ERP44: variants seen among roughly 807,000 people sequenced by gnomAD.
The protein encoded by ERP44 is endoplasmic reticulum resident protein 44.
A neutral mutation model predicts 53.4 loss-of-function variants in ERP44; 25 were observed. The ratio of observed to expected loss-of-function variants is 0.47; its 90% CI spans 0.34 to 0.65. The LOEUF is 0.65. Ranked by LOEUF, ERP44 falls within the 30% of genes least tolerant of loss-of-function variation. The pLI, the probability that ERP44 is intolerant of heterozygous loss-of-function variation, is 0.01. For synonymous variants in ERP44, 145 were observed against 161.2 expected, an observed-to-expected ratio of 0.90 and a Z score of 0.76; for missense variants, 338 against 493.2, an observed-to-expected ratio of 0.69 and a Z score of 2.98.
intron 1 of ERP44, among the ~76,000 whole-genome samples, chr9:100,082,676 G>A (rs140324814): frequency 1.2e-3 from 184 of 151,606 alleles, no homozygotes; most frequent in East Asian, 9.1e-3. Flanking sequence ...CTCAGGCTTC[G>A]CATTCTATGA....
intron 1 of ERP44, among the ~76,000 whole-genome samples, chr9:100,087,189 A>G (rs1249270046): frequency 6.6e-6 from 1 of 151,960 alleles, no homozygotes; most frequent in Non-Finnish European, 1.5e-5. Context: ...CTCCCTCCAT[A>G]AGCTTTTTTC....
chr9:100,098,363 G>C (rs1010861341), intron 1 of ERP44, among the ~76,000 whole-genome samples: 1 of 152,150 alleles, frequency 6.6e-6, no homozygotes, highest in Non-Finnish European at 1.5e-5. Context: ...CAGGGATCTA[G>C]ACCCAGTGAG....
chr9:100,074,700 T>G (rs147899536), intron 1 of ERP44, among the ~76,000 whole-genome samples: 1 of 152,138 alleles, frequency 6.6e-6, no homozygotes, highest in Non-Finnish European at 1.5e-5. Flanking sequence ...TAACTGTGCA[T>G]TGGAGAAAGG....
intron 10 of ERP44, among the ~76,000 whole-genome samples, chr9:99,993,905 T>C (rs1418482460): frequency 6.6e-6 from 1 of 152,070 alleles, no homozygotes; most frequent in Non-Finnish European, 1.5e-5. Flanking sequence ...CATGAAAAAA[T>C]GCTCATCATC....
At chr9:100,040,660 A>G (rs1274720104) in intron 4 of ERP44, among the ~76,000 whole-genome samples, 1 of 152,200 alleles carries the variant, frequency 6.6e-6, no homozygotes, top group Non-Finnish European at 1.5e-5. Context: ...TCGTAGCTAG[A>G]GCAGTCAGAT....
chr9:100,041,303 TA>T (rs76504492), intron 4 of ERP44, among the ~76,000 whole-genome samples: 103,635 of 150,472 alleles, frequency 0.69, 36,633 homozygotes, highest in East Asian at 0.9. Context: ...TTTTTTGCCA[TA>T]AAAAAAAAAG....
chr9:100,038,561 G>C (rs1401376628), intron 4 of ERP44, among the ~76,000 whole-genome samples: 1 of 151,988 alleles, frequency 6.6e-6, no homozygotes, highest in Admixed American at 6.6e-5. Flanking sequence ...CTAAAAGGAA[G>C]ACAGCAAGGA....
intron 4 of ERP44, among the ~76,000 whole-genome samples, chr9:100,034,613 A>G (rs1587969777): frequency 6.6e-6 from 1 of 152,182 alleles, no homozygotes; most frequent in Non-Finnish European, 1.5e-5. Context: ...AAGAAATACA[A>G]CCCAGCCAGT....
At chr9:100,068,858 G>A (rs1423114490) in intron 1 of ERP44, among the ~76,000 whole-genome samples, 1 of 152,246 alleles carries the variant, frequency 6.6e-6, no homozygotes, top group Non-Finnish European at 1.5e-5. Flanking sequence ...AGGGGGGAAA[G>A]GTGGGGAAAA....
Position 100,054,546 on chromosome 9 carries a change from C to G in ERP44, c.171-2014G>C, listed in dbSNP as rs74702144. ...CTGTCTTAATACAGGTTGAATGCCCCTAATCTAAAAATTCAAAATGCTTCA... is the reference window on the plus strand; with the variant it reads ...CTGTCTTAATACAGGTTGAATGCCCGTAATCTAAAAATTCAAAATGCTTCA... On this transcript the variant is annotated intron_variant, in intron 3 of 11. Transcript: ENST00000262455. Among the ~76,000 whole-genome samples the G allele has an allele frequency of 4.6e-3, 705 of 152,212 alleles. 1 individual carries two copies. The highest frequency in any genetic ancestry group is 7.5e-3 in the Non-Finnish European group (507 of 68,010).
chr9:100,000,885 C>A (rs1206770993), intron 10 of ERP44, among the ~76,000 whole-genome samples: 1 of 151,932 alleles, frequency 6.6e-6, no homozygotes, highest in Non-Finnish European at 1.5e-5. Flanking sequence ...TTTCTTCCTT[C>A]TACTAAATTT....
At chr9:100,087,848 G>A (rs952279844) in intron 1 of ERP44, among the ~76,000 whole-genome samples, 3 of 152,044 alleles carry the variant, frequency 2.0e-5, no homozygotes, top group Admixed American at 2.0e-4. Context: ...CATATGCACA[G>A]AATAAAACCG....
intron 10 of ERP44, among the ~76,000 whole-genome samples, chr9:99,989,385 G>A (rs1830230661): frequency 6.6e-6 from 1 of 152,208 alleles, no homozygotes; most frequent in African/African-American, 2.4e-5. Flanking sequence ...TTGCTGTTGT[G>A]ATACCCAGGC....
intron 1 of ERP44, among the ~76,000 whole-genome samples, chr9:100,077,396 G>A (rs945601996): frequency 1.3e-5 from 2 of 152,112 alleles, no homozygotes; most frequent in Non-Finnish European, 1.5e-5. Context: ...CAATTACAAC[G>A]CCAACTAGGT....
At chr9:100,011,250 A>C (rs1034050878) in intron 8 of ERP44, among the ~76,000 whole-genome samples, 1 of 152,144 alleles carries the variant, frequency 6.6e-6, no homozygotes, top group Non-Finnish European at 1.5e-5. Context: ...ATGACACACC[A>C]CTGACACCTT....
At chr9:100,068,339 T>G (rs1260455609) in intron 1 of ERP44, among the ~76,000 whole-genome samples, 5 of 76,774 alleles carry the variant, frequency 6.5e-5, no homozygotes, top group South Asian at 5.4e-4. Context: ...GGTGGGGGGG[T>G]CAGCCCCCCG....
chr9:100,056,188 A>T (rs1826086898), intron 3 of ERP44, among the ~76,000 whole-genome samples: 1 of 152,156 alleles, frequency 6.6e-6, no homozygotes, highest in Non-Finnish European at 1.5e-5. Flanking sequence ...AAAGTACTTC[A>T]ATCCCCTGGA....
At position 99,988,917 on chromosome 9, in the gene ERP44, C is replaced by A. The variant is rs1046579683; in HGVS notation, c.1017-3848G>T. On this transcript the variant is annotated intron_variant, in intron 10 of 11. Coordinates refer to ENST00000262455, the MANE Select transcript of ERP44 (RefSeq NM_015051.3). ...CTCAGTGGCTCCCACGCCCACAGAG[C>A]CTTGCTCACTGCTAGCTAGCGCAGC... Among the ~76,000 whole-genome samples the A allele has an allele frequency of 2.0e-5, 3 of 152,200 alleles. No homozygotes were observed. In the South Asian group the frequency reaches 6.2e-4, roughly 31 times the overall value.
chr9:100,021,000 G>A (rs1469915791), intron 5 of ERP44, among the ~76,000 whole-genome samples: 1 of 152,150 alleles, frequency 6.6e-6, no homozygotes, highest in African/African-American at 2.4e-5. Flanking sequence ...TTTGATCAGT[G>A]ACAATCTTTT....
Sources: gnomAD v4.1 joint callset for allele counts (sites outside exome capture counted in the v4.1 genomes callset) on GRCh38, gnomAD v4.1.1 for gene constraint, MANE v1.5 for transcripts, NCBI Gene and HGNC (gene_info 2026-07-23, HGNC 2026-07-21) for gene names.